Variants in LYZL6 observed in about 807,000 individuals in gnomAD.
The protein encoded by LYZL6 is lysozyme-like protein 6.
In LYZL6, 21 loss-of-function variants were observed where a neutral mutation model predicts 15.0. That is an observed-to-expected ratio of 1.40 (90% CI 1.00 to 2.02). LYZL6 has a LOEUF of 2.02. LYZL6 is among the 30% of genes most tolerant of loss of function. The probability of loss-of-function intolerance (pLI) is 0.00; values close to 1 mark genes in which losing one functional copy is unlikely to be tolerated. For missense variants in LYZL6, 173 were observed against 180.5 expected (o/e 0.96, Z 0.24); for synonymous variants, 72 against 67.8 (o/e 1.06, Z -0.31).
intron 1 of LYZL6, among the ~76,000 whole-genome samples, chr17:35,939,999 G>A (rs1281745815): frequency 6.6e-6 from 1 of 152,084 alleles, no homozygotes; most frequent in Non-Finnish European, 1.5e-5. Flanking sequence ...CACTCCCCCA[G>A]ACACATGACA....
chr17:35,942,476 G>C, intron 1 of LYZL6, among the ~76,000 whole-genome samples: 1 of 152,068 alleles, frequency 6.6e-6, no homozygotes. Context: ...TGGCTACCCT[G>C]GTGGGCTTGT....
chr17:35,938,411 A>G (rs944749412), intron 2 of LYZL6, among the ~76,000 whole-genome samples: 1 of 151,994 alleles, frequency 6.6e-6, no homozygotes, highest in Non-Finnish European at 1.5e-5. Context: ...CGAGGTCAGG[A>G]GATCGAGACC....
In LYZL6 at chr17:35,939,270, C is replaced by G. The variant is rs1226243048; in HGVS notation, c.87G>C (p.Gln29His). 6.2e-7 allele frequency: 1 copy of G among 1,614,200 alleles called. No individual in the cohort carries two copies. The highest frequency in any genetic ancestry group is 1.3e-5 in the African/African-American group (1 of 75,024). ...CATCCAAGTCCTCCAGCTGCAGCAC[C>G]TGGGCCAAGTCACAGCGACTGATGA... ...ASLISRCDLA[Q>H]VLQLEDLDGF... The change falls in exon 2 of 5, where the codon CAG becomes CAC. Residue 29 changes from glutamine to histidine, a missense_variant. Transcript: ENST00000615905.
At chr17:35,943,468 G>A (rs545846914) in intron 1 of LYZL6, 99 bp downstream of exon 1, 1 of 152,372 alleles carries the variant, frequency 6.6e-6, no homozygotes, top group South Asian at 2.1e-4. Context: ...GCCTCGGGAA[G>A]CAGGAAGCTC....
intron 1 of LYZL6, among the ~76,000 whole-genome samples, chr17:35,941,774 AT>A (rs1414240925): frequency 6.6e-6 from 1 of 152,114 alleles, no homozygotes; most frequent in East Asian, 1.9e-4. Context: ...AATAATCACC[AT>A]TTTGCAACTA....
At chr17:35,942,007 T>C (rs2089427849) in intron 1 of LYZL6, among the ~76,000 whole-genome samples, 1 of 152,260 alleles carries the variant, frequency 6.6e-6, no homozygotes, top group Admixed American at 6.5e-5. Context: ...AGGGACATTG[T>C]GTGCCTCCAG....
In LYZL6 at chr17:35,934,831, G is replaced by A. The variant is rs754117787; in HGVS notation, c.412C>T (p.Leu138Phe). The change falls in exon 5 of 5, where the codon CTC becomes TTC. Residue 138 changes from leucine (L) to phenylalanine (F), a missense_variant. By Grantham distance (22) the Leu-to-Phe change is conservative (BLOSUM62 0). Transcript: ENST00000615905. ...CGGCATCCTGTCAGCCAGTAGAAGA[G>A]TGGCCGGCCTGAACAGTGCAACCTC... ...EWRLHCSGRP[L>F]FYWLTGCRLR 6.2e-6 allele frequency: 10 copies of A among 1,614,076 alleles called. No individual in the cohort carries two copies. The Admixed American group carries it at 1.7e-4, about 27-fold the overall frequency.
chr17:35,936,890 G>C, intron 3 of LYZL6, 57 bp from the exon 4 acceptor site: 1 of 1,486,754 alleles, frequency 6.7e-7, no homozygotes, highest in Non-Finnish European at 9.4e-7. Context: ...CAAAGATGGA[G>C]GCAGACACCA....
intron 2 of LYZL6, 99 bp from the exon 3 acceptor site, chr17:35,938,015 C>T: frequency 8.0e-7 from 1 of 1,251,382 alleles, no homozygotes; most frequent in Non-Finnish European, 1.1e-6. Flanking sequence ...ACAAAAGGAA[C>T]AAGGCCTGGG....
In LYZL6 at chr17:35,937,881, T is replaced by G; in HGVS notation, c.175A>C (p.Ile59Leu). The change falls in exon 3 of 5, where the codon ATA becomes CTA. Residue 59 changes from isoleucine to leucine, a missense_variant. By Grantham distance (5) the Ile-to-Leu change is conservative. Transcript: ENST00000615905. ...TCTGCATTTTCATTTATCTTTGATATGTTGAACTTGCTTTCCACAAAAGCC... is the reference window on the plus strand; with the variant it reads ...TCTGCATTTTCATTTATCTTTGATAGGTTGAACTTGCTTTCCACAAAAGCC... Reference protein sequence around the residue: ...CLAFVESKFNISKINENADGS... With the variant: ...CLAFVESKFNLSKINENADGS... 1 of 1,614,076 alleles carries G rather than the reference T, an allele frequency of 6.2e-7. No homozygotes were observed.
chr17:35,941,306 C>A (rs544396531), intron 1 of LYZL6, among the ~76,000 whole-genome samples: 1 of 152,290 alleles, frequency 6.6e-6, no homozygotes, highest in African/African-American at 2.4e-5. Context: ...GGGAAAATGT[C>A]TATTCAGAAC....
At chr17:35,938,579 C>G (rs1472447856) in intron 2 of LYZL6, among the ~76,000 whole-genome samples, 2 of 148,176 alleles carry the variant, frequency 1.3e-5, no homozygotes, top group African/African-American at 2.5e-5. Flanking sequence ...GATCGCGCCA[C>G]TACACTCCAG....
At chr17:35,937,375 G>T (rs1408121913) in intron 3 of LYZL6, among the ~76,000 whole-genome samples, 1 of 152,190 alleles carries the variant, frequency 6.6e-6, no homozygotes, top group East Asian at 1.9e-4. Context: ...TTCAATGCTG[G>T]TTCTCTTTTT....
chr17:35,936,372 T>A (rs1317638572), intron 4 of LYZL6, among the ~76,000 whole-genome samples: 1 of 152,196 alleles, frequency 6.6e-6, no homozygotes, highest in Non-Finnish European at 1.5e-5. Context: ...GCAGAGAAAG[T>A]CTGCGGAGAG....
At position 35,939,532 on chromosome 17, in the gene LYZL6, A is replaced by G. The variant is rs1367263817; in HGVS notation, c.-176T>C. ...TTTTCTCTTGTTTATTATTTTATAG[A>G]TTTTTATTTATCATGGAAAATTAAA... On this transcript the variant is annotated 5_prime_UTR_variant, in exon 2 of 5. Transcript: ENST00000615905. 5.2e-5 allele frequency: 25 copies of G among 478,990 alleles called. No homozygotes were observed. Among genetic ancestry groups the G allele is most frequent in the Non-Finnish European group, 2.9e-5 (8 of 275,926 alleles). 29.7% of individuals were successfully genotyped at this position (478,990 alleles called of 1,614,324 possible).
chr17:35,934,984 T>G, intron 4 of LYZL6, 119 bp from the exon 5 acceptor site: 3 of 780,806 alleles, frequency 3.8e-6, no homozygotes, highest in Non-Finnish European at 6.1e-6. Context: ...CATTGCTAGC[T>G]AGCCCTCTGG....
chr17:35,940,377 G>A (rs1393291312), intron 1 of LYZL6, among the ~76,000 whole-genome samples: 1 of 152,132 alleles, frequency 6.6e-6, no homozygotes, highest in African/African-American at 2.4e-5. Flanking sequence ...GAGATGTCTG[G>A]ATTATCTTGC....
At chr17:35,942,215 C>T (rs11650056) in intron 1 of LYZL6, among the ~76,000 whole-genome samples, 17,447 of 152,208 alleles carry the variant, frequency 0.11, 1,105 homozygotes, top group East Asian at 0.26. Flanking sequence ...GTAATCCGAG[C>T]ACTTTGGGAG....
rs369754066 is a variant in LYZL6 at position 35,942,430 on chromosome 17, G to A, written c.-203+1137C>T. Among the ~76,000 whole-genome samples, 8 of 152,136 alleles carry A rather than the reference G, an allele frequency of 5.3e-5. No individual in the cohort carries two copies. The East Asian group carries it at 9.6e-4, about 18-fold the overall frequency. On this transcript the variant is annotated intron_variant, in intron 1 of 4. Coordinates refer to ENST00000615905, the MANE Select transcript of LYZL6 (RefSeq NM_020426.4). ...AGAAGCCTGAGTTCTTCCACCCGCC[G>A]CCTTCAAGTGTCAGGCGGCTTCTGC...
Sources: gnomAD v4.1 joint callset for allele counts (sites outside exome capture counted in the v4.1 genomes callset) on GRCh38, gnomAD v4.1.1 for gene constraint, MANE v1.5 for transcripts, NCBI Gene and HGNC (gene_info 2026-07-23, HGNC 2026-07-21) for gene names.